The following AK9 variants were observed in gnomAD, a reference collection of about 807,000 sequenced individuals.
AK9 encodes the protein adenylate kinase domain containing 1.
Under a neutral mutation model 239.6 loss-of-function variants are expected in AK9, and 191 were observed. That is an observed-to-expected ratio of 0.80 (90% CI 0.71 to 0.90). The LOEUF is 0.90. Among genes scored for constraint, AK9 ranks in the 40% least tolerant of loss-of-function variants. The pLI is 0.00. For synonymous variants in AK9, 689 were observed against 721.0 expected, an observed-to-expected ratio of 0.96 and a Z score of 0.71; for missense variants, 1,995 against 2,214.7, an observed-to-expected ratio of 0.90 and a Z score of 1.99.
intron 13 of AK9, 24 bp from the exon 14 acceptor site, chr6:109,614,504 T>G (rs745805317): frequency 3.2e-6 from 5 of 1,541,730 alleles, no homozygotes; most frequent in South Asian, 1.2e-5. Flanking sequence ...ATGGGTGGTG[T>G]TAGCAAAACG....
At position 109,585,219 on chromosome 6, in the gene AK9, C is replaced by G; in HGVS notation, c.2018G>C (p.Arg673Thr). Reference protein sequence around the residue: ...TENNGKCLFNRIYLQKKSEID... With the variant: ...TENNGKCLFNTIYLQKKSEID... ...TTCAGATTTCTTCTGTAAATATATT[C>G]TATTAAATAAACATTTTCCTGAAAT... The change falls in exon 19 of 41, where the codon AGA (arginine) becomes ACA (threonine). Residue 673 changes from arginine (R) to threonine (T), a missense_variant. This residue lies in a region of AK9 where 1,290 missense variants were observed against 1,392.7 expected (regional missense o/e 0.93). Coordinates refer to ENST00000424296, the MANE Select transcript of AK9 (RefSeq NM_001145128.3). The G allele has an allele frequency of 1.1e-6, 1 of 901,738 alleles. No individual in the cohort carries two copies. Among genetic ancestry groups the G allele is most frequent in the Non-Finnish European group, 1.5e-6 (1 of 685,412 alleles). 55.9% of individuals were successfully genotyped at this position (901,738 alleles called of 1,614,324 possible). A position where few individuals can be genotyped will look rare whatever the true frequency, so the allele number is the denominator to read the frequency against.
chr6:109,592,438 T>C (rs763076713), intron 17 of AK9, among the ~76,000 whole-genome samples: 23 of 141,520 alleles, frequency 1.6e-4, no homozygotes, highest in African/African-American at 5.3e-4. Context: ...GTTAGTCTAA[T>C]GGGATTTCTT....
At chr6:109,618,629 T>C (rs559615580) in intron 13 of AK9, among the ~76,000 whole-genome samples, 17 of 152,186 alleles carry the variant, frequency 1.1e-4, no homozygotes, top group Admixed American at 2.0e-4. Context: ...ACTATAAAAT[T>C]AGAGAAGGGT....
intron 32 of AK9, among the ~76,000 whole-genome samples, chr6:109,512,853 A>T (rs6915268): frequency 0.25 from 38,289 of 152,122 alleles, 4,880 homozygotes; most frequent in East Asian, 0.42. Flanking sequence ...AATGATTAAG[A>T]TAATTGATTT....
chr6:109,628,878 T>C (rs929848917), intron 12 of AK9, among the ~76,000 whole-genome samples: 1 of 150,338 alleles, frequency 6.7e-6, no homozygotes, highest in African/African-American at 2.4e-5. Context: ...TAGTTATACT[T>C]GTTTCAAAGA....
At chr6:109,622,074 T>A (rs910985643) in intron 12 of AK9, among the ~76,000 whole-genome samples, 4 of 147,282 alleles carry the variant, frequency 2.7e-5, no homozygotes, top group African/African-American at 7.4e-5. Flanking sequence ...TTATATATTA[T>A]CTATATATGT....
At chr6:109,557,041 A>G (rs1446948237) in intron 24 of AK9, among the ~76,000 whole-genome samples, 2 of 151,946 alleles carry the variant, frequency 1.3e-5, no homozygotes, top group African/African-American at 4.8e-5. Context: ...GAAACACTGC[A>G]ATCATTTGGA....
intron 24 of AK9, among the ~76,000 whole-genome samples, chr6:109,552,185 T>A (rs1325628370): frequency 6.6e-6 from 1 of 152,212 alleles, no homozygotes; most frequent in Non-Finnish European, 1.5e-5. Context: ...AATAAACATA[T>A]GTGTGCTTGT....
chr6:109,648,357 GAAGAA>G (rs1562548330), intron 8 of AK9, among the ~76,000 whole-genome samples: 1 of 151,782 alleles, frequency 6.6e-6, no homozygotes, highest in African/African-American at 2.4e-5. Flanking sequence ...GACTAATAAA[GAAGAA>G]AAGAGAGAAG....
chr6:109,550,878 G>GT (rs956692934), intron 24 of AK9, among the ~76,000 whole-genome samples: 3 of 152,002 alleles, frequency 2.0e-5, no homozygotes, highest in East Asian at 3.8e-4. Flanking sequence ...CTTAAAAAAT[G>GT]TTTTTTATGA....
chr6:109,572,348 A>G (rs1160037614), intron 21 of AK9, among the ~76,000 whole-genome samples: 1 of 152,208 alleles, frequency 6.6e-6, no homozygotes, highest in Non-Finnish European at 1.5e-5. Flanking sequence ...ATGACGATAC[A>G]ATATTCTGCT....
chr6:109,646,641 C>G (rs1007635904), intron 8 of AK9, among the ~76,000 whole-genome samples: 24 of 152,124 alleles, frequency 1.6e-4, no homozygotes, highest in Admixed American at 3.9e-4. Context: ...ACAGGGAGAA[C>G]AGACCTAAGT....
intron 17 of AK9, among the ~76,000 whole-genome samples, chr6:109,601,621 T>G (rs150529304): frequency 0.029 from 4,371 of 151,840 alleles, 99 homozygotes; most frequent in East Asian, 0.11. Flanking sequence ...TGAGTTCAAT[T>G]CCTGGATATT....
intron 7 of AK9, among the ~76,000 whole-genome samples, chr6:109,659,005 T>C (rs1800060796): frequency 6.6e-6 from 1 of 152,144 alleles, no homozygotes; most frequent in Non-Finnish European, 1.5e-5. Context: ...ATCAGAAATG[T>C]AGAGACACGT....
intron 25 of AK9, among the ~76,000 whole-genome samples, chr6:109,549,379 C>A (rs969891750): frequency 2.0e-5 from 3 of 152,140 alleles, no homozygotes; most frequent in Non-Finnish European, 4.4e-5. Flanking sequence ...CCACTTATGC[C>A]TCTGAAAGTT....
At chr6:109,689,129 T>C (rs867245092) in intron 1 of AK9, among the ~76,000 whole-genome samples, 4 of 152,186 alleles carry the variant, frequency 2.6e-5, no homozygotes, top group Non-Finnish European at 4.4e-5. Context: ...AGGAAGGAGA[T>C]GATCAATTAG....
At chr6:109,546,811 C>T (rs1351722505) in intron 25 of AK9, among the ~76,000 whole-genome samples, 3 of 152,150 alleles carry the variant, frequency 2.0e-5, no homozygotes, top group African/African-American at 7.2e-5. Flanking sequence ...ACATTTTAAA[C>T]CTCTCCGTGA....
At position 109,607,768 on chromosome 6, in the gene AK9, G is replaced by GGTGTGTGTGTGT. The variant is rs10648225; in HGVS notation, c.1842+2585_1842+2596dup. Reference sequence around the variant, plus strand: ...AACCCGATCAAAATCCCAGCAGAGGGGTGTGTGTGTGTGTGTGTGTGTGTG... The same window carrying GGTGTGTGTGTGT: ...AACCCGATCAAAATCCCAGCAGAGGGGTGTGTGTGTGTGTGTGTGTGTGTGTGTGTGTGTGTG... On this transcript the variant is annotated intron_variant, in intron 17 of 40. Coordinates refer to ENST00000424296, the MANE Select transcript of AK9 (RefSeq NM_001145128.3). Among the ~76,000 whole-genome samples the GGTGTGTGTGTGT allele has an allele frequency of 5.1e-3, 741 of 145,476 alleles. 3 individuals carry two copies. The highest frequency in any genetic ancestry group is 7.0e-3 in the Non-Finnish European group (467 of 66,362).
chr6:109,658,083 T>C lies in AK9; in HGVS notation c.630+1145A>G, dbSNP rs58512734. Among the ~76,000 whole-genome samples the C allele has an allele frequency of 7.9e-3, 1,210 of 152,314 alleles. 26 individuals are homozygous for C. The highest frequency in any genetic ancestry group is 0.026 in the African/African-American group (1,071 of 41,564). ...TAATTACTCTATAGTTGGACAACAA[T>C]GTTTCAGGCTTTTCACAATTACAAA... On this transcript the variant is annotated intron_variant, in intron 7 of 40. Transcript: ENST00000424296.
Sources: allele counts gnomAD v4.1 joint callset (sites outside exome capture counted in the v4.1 genomes callset), GRCh38; gene constraint gnomAD v4.1.1; regional missense constraint gnomAD v4.1.1; transcripts MANE v1.5; gene names NCBI Gene and HGNC (gene_info 2026-07-23, HGNC 2026-07-21).